BCL11B: variants seen among roughly 807,000 people sequenced by gnomAD.
BCL11B encodes the protein B-cell lymphoma/leukemia 11B.
In BCL11B, 8 loss-of-function variants were observed where a neutral mutation model predicts 49.9. The observed-to-expected ratio is 0.16, with a 90% CI of 0.09 to 0.29. BCL11B has a LOEUF of 0.29. Among genes scored for constraint, BCL11B ranks in the 10% least tolerant of loss-of-function variants. BCL11B has a pLI of 1.00. For missense variants in BCL11B, 1,006 were observed against 1,351.0 expected, an observed-to-expected ratio of 0.74 and a Z score of 4.00; for synonymous variants, 739 against 637.4, an observed-to-expected ratio of 1.16 and a Z score of -2.40.
At chr14:99,197,389 A>G (rs1303935857) in intron 3 of BCL11B, among the ~76,000 whole-genome samples, 1 of 152,128 alleles carries the variant, frequency 6.6e-6, no homozygotes, top group Non-Finnish European at 1.5e-5. Context: ...AGGGTCTCCC[A>G]CTCTGGATTC....
intron 3 of BCL11B, among the ~76,000 whole-genome samples, chr14:99,216,069 G>T (rs771873245): frequency 3.3e-5 from 5 of 152,218 alleles, no homozygotes; most frequent in Non-Finnish European, 7.3e-5. Context: ...TAAAAAGATA[G>T]CAGTAATGCC....
At chr14:99,265,701 C>T (rs924059548) in intron 1 of BCL11B, among the ~76,000 whole-genome samples, 1 of 152,156 alleles carries the variant, frequency 6.6e-6, no homozygotes, top group Non-Finnish European at 1.5e-5. Flanking sequence ...ACAACTGGCT[C>T]GATTCAAACA....
chr14:99,251,783 G>C (rs1286564476), intron 2 of BCL11B, among the ~76,000 whole-genome samples: 1 of 152,108 alleles, frequency 6.6e-6, no homozygotes, highest in East Asian at 1.9e-4. Flanking sequence ...AGACCATTTT[G>C]GATGGGGTCA....
intron 1 of BCL11B, among the ~76,000 whole-genome samples, chr14:99,259,187 TA>T (rs1889266277): frequency 6.6e-6 from 1 of 152,044 alleles, no homozygotes; most frequent in Non-Finnish European, 1.5e-5. Context: ...AGGAGGCAGG[TA>T]AATTTTAAGT....
rs923628474 is a variant in BCL11B at position 99,169,359 on chromosome 14, G to A, written c.*4792C>T. ...AGAACAAACTTGGTTTTGAACAAGC[G>A]TACAAATGAAATGGCAGACACATGC... is the stretch of plus-strand genomic sequence containing the variant. On this transcript the variant is annotated 3_prime_UTR_variant, in exon 4 of 4. Coordinates refer to ENST00000357195, the MANE Select transcript of BCL11B (RefSeq NM_138576.4). 13 of 193,364 alleles carry A rather than the reference G, an allele frequency of 6.7e-5. No homozygotes were observed. Among genetic ancestry groups the A allele is most frequent in the African/African-American group, 9.3e-5 (4 of 43,128 alleles). The allele number at this position is 193,364 out of a possible 1,614,324, so 12.0% of individuals were successfully genotyped here.
intron 2 of BCL11B, among the ~76,000 whole-genome samples, chr14:99,239,536 G>T (rs1888602532): frequency 6.6e-6 from 1 of 152,158 alleles, no homozygotes; most frequent in Non-Finnish European, 1.5e-5. Flanking sequence ...AGAGCTGGGG[G>T]TGGGAGTGGA....
chr14:99,225,823 G>C (rs910882950), intron 3 of BCL11B, among the ~76,000 whole-genome samples: 1 of 152,176 alleles, frequency 6.6e-6, no homozygotes, highest in African/African-American at 2.4e-5. Flanking sequence ...AGGCTGCAGC[G>C]ATCTCCACTC....
intron 3 of BCL11B, among the ~76,000 whole-genome samples, chr14:99,202,463 T>C (rs1238839061): frequency 6.6e-6 from 1 of 152,204 alleles, no homozygotes; most frequent in Non-Finnish European, 1.5e-5. Context: ...AGGTGCTGGG[T>C]AGCAATTTCA....
chr14:99,198,125 A>C (rs1595237184), intron 3 of BCL11B, among the ~76,000 whole-genome samples: 1 of 152,252 alleles, frequency 6.6e-6, no homozygotes, highest in Non-Finnish European at 1.5e-5. Context: ...CAGGGTGCCC[A>C]GCTAGAAACT....
chr14:99,186,979 C>A (rs960611909), intron 3 of BCL11B, among the ~76,000 whole-genome samples: 3 of 152,186 alleles, frequency 2.0e-5, no homozygotes, highest in Admixed American at 2.0e-4. Context: ...CAGCAAGCCT[C>A]ACATCTGAAT....
intron 2 of BCL11B, among the ~76,000 whole-genome samples, chr14:99,236,719 G>GCT (rs1317938435): frequency 6.6e-6 from 1 of 152,070 alleles, no homozygotes; most frequent in Non-Finnish European, 1.5e-5. Context: ...AGCTGAAAGG[G>GCT]CTCTGATCTT....
At chr14:99,225,446 G>C (rs1398113446) in intron 3 of BCL11B, among the ~76,000 whole-genome samples, 1 of 152,184 alleles carries the variant, frequency 6.6e-6, no homozygotes, top group African/African-American at 2.4e-5. Flanking sequence ...TCCCTTTAAA[G>C]GAGAACGGGG....
At chr14:99,259,856 C>G (rs1889285382) in intron 1 of BCL11B, among the ~76,000 whole-genome samples, 1 of 152,186 alleles carries the variant, frequency 6.6e-6, no homozygotes, top group Non-Finnish European at 1.5e-5. Flanking sequence ...TCCCACCGAA[C>G]AGAGGTTCTA....
Position 99,271,220 on chromosome 14 carries a change from GC to G in BCL11B, c.-3del. 1.3e-6 allele frequency: 2 copies of G among 1,526,540 alleles called. No individual in the cohort carries two copies. The allele number at this position is 1,526,540 out of a possible 1,614,324, so 94.6% of individuals were successfully genotyped here. On this transcript the variant is annotated 5_prime_UTR_variant, in exon 1 of 4. Coordinates refer to ENST00000357195, the MANE Select transcript of BCL11B (RefSeq NM_138576.4). Reference sequence around the variant, plus strand: ...GTTGCCCTGTTTGCGGCGGGACATTGCCCCGGCATCTATTCTGGCATCGCCC... The same window carrying G: ...GTTGCCCTGTTTGCGGCGGGACATTGCCCGGCATCTATTCTGGCATCGCCC...
At chr14:99,255,201 T>C (rs748537879) in intron 2 of BCL11B, among the ~76,000 whole-genome samples, 2 of 152,122 alleles carry the variant, frequency 1.3e-5, no homozygotes, top group Non-Finnish European at 2.9e-5. Flanking sequence ...TGACACAGCA[T>C]GTAGACTGTT....
chr14:99,234,680 C>T (rs951861642), intron 2 of BCL11B, among the ~76,000 whole-genome samples: 2 of 152,056 alleles, frequency 1.3e-5, no homozygotes, highest in African/African-American at 4.8e-5. Context: ...ACCAAACGGT[C>T]ACTATCATTC....
At chr14:99,217,385 GACACACACACACACACAC>G in intron 3 of BCL11B, among the ~76,000 whole-genome samples, 1 of 131,130 alleles carries the variant, frequency 7.6e-6, no homozygotes, top group East Asian at 2.1e-4. Flanking sequence ...CACACATACA[GACACACACACACACACAC>G]ACACACACAC....
chr14:99,185,447 A>G lies in BCL11B; in HGVS notation c.641-9252T>C, dbSNP rs141417196. 0.014 allele frequency among the ~76,000 whole-genome samples: 222 copies of G among 15,904 alleles called. 3 individuals are homozygous for G. The African/African-American group carries it at 0.25, about 18-fold the overall frequency. 10.4% of individuals were successfully genotyped at this position (15,904 alleles called of 152,430 possible). A position where few individuals can be genotyped will look rare whatever the true frequency, so the allele number is the denominator to read the frequency against. Reference sequence around the variant, plus strand: ...GTGAGACTCTGCCTTAAAAAAAAAGAAAAAAAAAAAAAAAACTATATGACC... The same window carrying G: ...GTGAGACTCTGCCTTAAAAAAAAAGGAAAAAAAAAAAAAAACTATATGACC... On this transcript the variant is annotated intron_variant, in intron 3 of 3. Coordinates refer to ENST00000357195, the MANE Select transcript of BCL11B (RefSeq NM_138576.4).
intron 1 of BCL11B, among the ~76,000 whole-genome samples, chr14:99,261,644 C>T (rs1296383794): frequency 6.6e-6 from 1 of 152,224 alleles, no homozygotes; most frequent in Non-Finnish European, 1.5e-5. Flanking sequence ...AGGTTTTCCT[C>T]TGAGATGATC....
Sources: allele counts gnomAD v4.1 joint callset (sites outside exome capture counted in the v4.1 genomes callset), GRCh38; gene constraint gnomAD v4.1.1; transcripts MANE v1.5; gene names NCBI Gene and HGNC (gene_info 2026-07-23, HGNC 2026-07-21).